DGLUCY: variants seen among roughly 807,000 people sequenced by gnomAD.
The protein encoded by DGLUCY is D-glutamate cyclase, also known as D-glutamate cyclase, mitochondrial.
Under a neutral mutation model 58.5 loss-of-function variants are expected in DGLUCY, and 58 were observed. That is an observed-to-expected ratio of 0.99 (90% CI 0.80 to 1.23). The LOEUF (loss-of-function observed/expected upper bound fraction) is 1.23, where lower values mean the gene tolerates loss of function less well. DGLUCY is among the 50% of genes most tolerant of loss of function. DGLUCY has a pLI of 0.00. For missense variants in DGLUCY, 779 were observed against 784.7 expected (o/e 0.99, Z 0.09); for synonymous variants, 325 against 314.1 (o/e 1.03, Z -0.37).
At chr14:91,194,525 G>A (rs1005400419) in intron 9 of DGLUCY, among the ~76,000 whole-genome samples, 6 of 151,522 alleles carry the variant, frequency 4.0e-5, no homozygotes, top group Non-Finnish European at 7.4e-5. Context: ...GGATGGGGAA[G>A]GAGCCACAGT....
intron 12 of DGLUCY, among the ~76,000 whole-genome samples, chr14:91,213,241 C>A (rs1885991358): frequency 6.6e-6 from 1 of 152,120 alleles, no homozygotes; most frequent in Non-Finnish European, 1.5e-5. Flanking sequence ...TCAGGGCCAG[C>A]CTGGCCAACG....
chr14:91,170,870 T>C (rs866820081), intron 5 of DGLUCY, among the ~76,000 whole-genome samples: 1 of 152,254 alleles, frequency 6.6e-6, no homozygotes, highest in Non-Finnish European at 1.5e-5. Flanking sequence ...TCTTTATTTA[T>C]GGAGGACTTG....
upstream of DGLUCY, among the ~76,000 whole-genome samples, chr14:91,109,333 C>A (rs148043093): frequency 3.4e-4 from 52 of 152,224 alleles, no homozygotes; most frequent in African/African-American, 1.2e-3. Flanking sequence ...ACTCAAGAGC[C>A]GCTGTGTTCC....
chr14:91,218,090 G>A (rs1356326975), intron 13 of DGLUCY, among the ~76,000 whole-genome samples: 2 of 152,200 alleles, frequency 1.3e-5, no homozygotes, highest in African/African-American at 2.4e-5. Context: ...GTCCCAGGTA[G>A]TGCCAGGGAA....
At chr14:91,084,162 G>A (rs1044605236) in intron 1 of DGLUCY, among the ~76,000 whole-genome samples, 7 of 151,386 alleles carry the variant, frequency 4.6e-5, no homozygotes, top group African/African-American at 1.2e-4. Context: ...CCATCTATTC[G>A]ATTCCAAGCA....
intron 1 of DGLUCY, among the ~76,000 whole-genome samples, chr14:91,062,584 T>C (rs1462178626): frequency 9.8e-5 from 2 of 20,334 alleles, no homozygotes; most frequent in Admixed American, 5.1e-4. Flanking sequence ...TATATATATA[T>C]ATATATATAT....
intron 1 of DGLUCY, among the ~76,000 whole-genome samples, chr14:91,085,016 G>T (rs747163299): frequency 2.0e-5 from 3 of 152,074 alleles, no homozygotes; most frequent in Non-Finnish European, 4.4e-5. Context: ...GAGTCCAGGA[G>T]TTCAAGACCA....
intron 1 of DGLUCY, among the ~76,000 whole-genome samples, chr14:91,061,406 A>G (rs976052814): frequency 2.0e-5 from 3 of 152,270 alleles, no homozygotes; most frequent in African/African-American, 4.8e-5. Context: ...GATTAACAAA[A>G]TAGAATACAA....
In DGLUCY at chr14:91,131,865, C is replaced by T. The variant is rs554005054; in HGVS notation, c.-82+17582C>T. ...AGGCTGGAGTGCAATGGCACAATCT[C>T]AGCTCACTGCAACCTCTGCCTGGGT... On this transcript the variant is annotated intron_variant, in intron 1 of 13. Transcript: ENST00000256324. 2.6e-5 allele frequency among the ~76,000 whole-genome samples: 4 copies of T among 152,272 alleles called. No individual in the cohort carries two copies. In the South Asian group the frequency reaches 8.3e-4, roughly 32 times the overall value.
chr14:91,181,388 A>G lies in DGLUCY; in HGVS notation c.933A>G (p.Pro311=). The part of the protein sequence containing the change: ...RELESMIGID[P]GNRGIGHLLC... ...TAGAGTCTATGATCGGCATAGACCC[A>G]GGTAAGAAACAACACATTTGCTCGG... The change falls in exon 8 of 14, where the codon CCA becomes CCG. Residue 311 remains proline (P), a splice_region_variant and synonymous_variant. Coordinates refer to ENST00000256324, the MANE Select transcript of DGLUCY (RefSeq NM_001102368.3). The G allele has an allele frequency of 6.2e-7, 1 of 1,612,214 alleles. No individual in the cohort carries two copies. Among genetic ancestry groups the G allele is most frequent in the African/African-American group, 1.3e-5 (1 of 74,900 alleles).
chr14:91,187,423 C>T (rs1175713421), intron 8 of DGLUCY, among the ~76,000 whole-genome samples: 1 of 152,186 alleles, frequency 6.6e-6, no homozygotes. Context: ...ACACTGCCTT[C>T]GCGTGCACTG....
chr14:91,207,448 A>G (rs1884936796), intron 12 of DGLUCY, among the ~76,000 whole-genome samples: 1 of 152,234 alleles, frequency 6.6e-6, no homozygotes, highest in African/African-American at 2.4e-5. Context: ...AGAGAGCGAT[A>G]AATAGTAGCA....
At chr14:91,201,183 G>A (rs1238968456) in intron 11 of DGLUCY, among the ~76,000 whole-genome samples, 1 of 152,136 alleles carries the variant, frequency 6.6e-6, no homozygotes, top group Non-Finnish European at 1.5e-5. Flanking sequence ...ATCAGTTAAG[G>A]CAGGAACTGG....
chr14:91,202,994 C>T (rs1567005227), intron 11 of DGLUCY, among the ~76,000 whole-genome samples: 1 of 152,226 alleles, frequency 6.6e-6, no homozygotes, highest in Non-Finnish European at 1.5e-5. Flanking sequence ...ACTGCCATGT[C>T]ATGGGCATAG....
At chr14:91,151,049 G>A (rs2047309129) in intron 1 of DGLUCY, among the ~76,000 whole-genome samples, 1 of 152,150 alleles carries the variant, frequency 6.6e-6, no homozygotes, top group Non-Finnish European at 1.5e-5. Flanking sequence ...GTGTCTTATA[G>A]AAATGGAATC....
At chr14:91,175,879 G>T in intron 6 of DGLUCY, 55 bp from the exon 7 acceptor site, 1 of 1,602,376 alleles carries the variant, frequency 6.2e-7, no homozygotes, top group South Asian at 1.1e-5. Context: ...TACTCAACCA[G>T]TTCTAATTGG....
intron 1 of DGLUCY, among the ~76,000 whole-genome samples, chr14:91,152,192 A>G (rs1300410266): frequency 6.6e-6 from 1 of 152,182 alleles, no homozygotes; most frequent in African/African-American, 2.4e-5. Flanking sequence ...TTCAGAAAAT[A>G]CAGCCTGGGT....
At chr14:91,178,536 C>T (rs1236942200) in intron 7 of DGLUCY, among the ~76,000 whole-genome samples, 3 of 152,162 alleles carry the variant, frequency 2.0e-5, no homozygotes, top group Non-Finnish European at 4.4e-5. Context: ...GGGGGCAAAA[C>T]CCCGTGTCAT....
At chr14:91,222,697 C>T (rs1327029810) in intron 13 of DGLUCY, among the ~76,000 whole-genome samples, 1 of 152,192 alleles carries the variant, frequency 6.6e-6, no homozygotes, top group Non-Finnish European at 1.5e-5. Context: ...AGTGAGTGAC[C>T]CTCCAGGGCT....
Sources: gnomAD v4.1 joint callset for allele counts (sites outside exome capture counted in the v4.1 genomes callset) on GRCh38, gnomAD v4.1.1 for gene constraint, MANE v1.5 for transcripts, NCBI Gene and HGNC (gene_info 2026-07-23, HGNC 2026-07-21) for gene names.